HDHD5: variants seen among roughly 807,000 people sequenced by gnomAD.
HDHD5 encodes haloacid dehalogenase like hydrolase domain containing 5.
HDHD5 carries 34 observed loss-of-function variants against 35.5 expected under a neutral mutation model. The ratio of observed to expected loss-of-function variants is 0.96; its 90% CI spans 0.73 to 1.28. The LOEUF (loss-of-function observed/expected upper bound fraction) is 1.28, where lower values mean the gene tolerates loss of function less well. HDHD5 is among the 50% of genes most tolerant of loss of function. HDHD5 has a pLI of 0.00. For missense variants in HDHD5, 589 were observed against 560.2 expected (o/e 1.05, Z -0.52); for synonymous variants, 248 against 240.6 (o/e 1.03, Z -0.29).
At chr22:17,157,186 T>C (rs1336605792) in intron 1 of HDHD5, among the ~76,000 whole-genome samples, 2 of 152,062 alleles carry the variant, frequency 1.3e-5, no homozygotes, top group African/African-American at 4.8e-5. Context: ...TGTTGTGTTT[T>C]AAACTAAGTG....
upstream of HDHD5, among the ~76,000 whole-genome samples, chr22:17,163,954 C>T (rs1313974612): frequency 2.6e-5 from 4 of 152,160 alleles, no homozygotes; most frequent in Admixed American, 1.3e-4. Flanking sequence ...AGGCCAGGCA[C>T]GGTGGCCTGT....
chr22:17,164,996 A>G (rs1189191771), intron 1 of HDHD5, among the ~76,000 whole-genome samples: 7 of 152,106 alleles, frequency 4.6e-5, no homozygotes, highest in Non-Finnish European at 8.8e-5. Flanking sequence ...AGGAGGGTTT[A>G]CTGCTCACTG....
Position 17,148,551 on chromosome 22 carries a change from C to G in HDHD5, c.340G>C (p.Asp114His). Residue 114 changes from aspartate (D) to histidine (H), a missense_variant, in exon 3 of 8, where the codon GAC becomes CAC. By Grantham distance (81) the Asp-to-His change is moderately conservative (BLOSUM62 -1). Transcript: ENST00000336737. ...SALLGCEVDA[D>H]QVILSHSPMK... ...GGGCTGTGAGAGAGGATAACTTGGT[C>G]TGCATCCACCTGTAGGGACAGCCAA... The G allele has an allele frequency of 6.2e-7, 1 of 1,613,614 alleles. No homozygotes were observed. Among genetic ancestry groups the G allele is most frequent in the Non-Finnish European group, 8.5e-7 (1 of 1,179,556 alleles).
intron 4 of HDHD5, among the ~76,000 whole-genome samples, chr22:17,144,234 A>C (rs2061631828): frequency 6.6e-6 from 1 of 151,632 alleles, no homozygotes; most frequent in Non-Finnish European, 1.5e-5. Context: ...CAGGGCATAA[A>C]GCCGTTCGCT....
At chr22:17,159,544 G>C, upstream of HDHD5, 1 of 452,716 alleles carries the variant, frequency 2.2e-6, no homozygotes, top group South Asian at 1.6e-5. Flanking sequence ...CTGTGCCTGC[G>C]GATCCCGGTA....
At chr22:17,144,941 C>T in intron 4 of HDHD5, 83 bp downstream of exon 4, 1 of 1,521,082 alleles carries the variant, frequency 6.6e-7, no homozygotes, top group Non-Finnish European at 9.0e-7. Context: ...TGCAGGAGGG[C>T]TTGCAAGGTC....
chr22:17,160,866 CTTCT>C (rs929943235), upstream of HDHD5, among the ~76,000 whole-genome samples: 2 of 152,068 alleles, frequency 1.3e-5, no homozygotes, highest in African/African-American at 2.4e-5. Flanking sequence ...TAATCCCTTC[CTTCT>C]ATTAAACTAC....
At chr22:17,144,756 G>A (rs1197450614) in intron 4 of HDHD5, among the ~76,000 whole-genome samples, 3 of 151,928 alleles carry the variant, frequency 2.0e-5, no homozygotes, top group South Asian at 2.1e-4. Flanking sequence ...TCACTATGTT[G>A]CCCAGGCTGG....
intron 5 of HDHD5, 43 bp downstream of exon 5, chr22:17,143,055 C>T (rs201579046): frequency 4.1e-5 from 66 of 1,601,274 alleles, no homozygotes; most frequent in East Asian, 4.1e-4. Flanking sequence ...AGAGAGGAGA[C>T]GGAGAAAAGA....
intron 1 of HDHD5, among the ~76,000 whole-genome samples, chr22:17,152,991 A>G (rs996292827): frequency 2.0e-5 from 3 of 151,532 alleles, no homozygotes; most frequent in South Asian, 2.1e-4. Flanking sequence ...AGCCAACAAG[A>G]TATCACACCT....
At chr22:17,161,070 C>G (rs2061860228), upstream of HDHD5, among the ~76,000 whole-genome samples, 1 of 151,884 alleles carries the variant, frequency 6.6e-6, no homozygotes, top group Non-Finnish European at 1.5e-5. Flanking sequence ...GCCTGGCCAA[C>G]ATGGCGAAAC....
chr22:17,150,342 T>C (rs1332628449), intron 1 of HDHD5, among the ~76,000 whole-genome samples: 2 of 152,150 alleles, frequency 1.3e-5, no homozygotes, highest in African/African-American at 4.8e-5. Flanking sequence ...CTACAGACAA[T>C]ATAAAAATGT....
chr22:17,143,454 TGAG>T (rs1036071093), intron 4 of HDHD5: 1 of 262,148 alleles, frequency 3.8e-6, no homozygotes, highest in Non-Finnish European at 7.2e-6. Flanking sequence ...GCAGCTAAGG[TGAG>T]GCCGTGGAGA....
In HDHD5 at chr22:17,159,198, C is replaced by G. The variant is rs2061839880; in HGVS notation, c.54G>C (p.Trp18Cys). ...GCCCCGCAGCCGCGCGCGCCGCCCG[C>G]CAGCAAAGCCCACGCGCCGCGCCGA... is the stretch of plus-strand genomic sequence containing the variant. ...AALGAARGLC[W>C]RAARAAAGLQ... The change falls in exon 1 of 8, where the codon TGG becomes TGC. Residue 18 changes from tryptophan to cysteine, a missense_variant. Trp to Cys is a radical substitution (Grantham distance 215). Coordinates refer to ENST00000336737, the MANE Select transcript of HDHD5 (RefSeq NM_033070.3). 2.5e-6 allele frequency: 3 copies of G among 1,215,328 alleles called. No homozygotes were observed. The highest frequency in any genetic ancestry group is 3.2e-5 in the African/African-American group (2 of 63,364). 75.3% of individuals were successfully genotyped at this position (1,215,328 alleles called of 1,614,324 possible).
intron 6 of HDHD5, 151 bp downstream of exon 6, chr22:17,140,908 A>G (rs2061592163): frequency 1.6e-6 from 1 of 627,040 alleles, no homozygotes; most frequent in Non-Finnish European, 2.6e-6. Context: ...AAGCCCTTCC[A>G]AAGGCCAGGT....
At chr22:17,140,819 G>A (rs945076530) in intron 6 of HDHD5, among the ~76,000 whole-genome samples, 1 of 152,198 alleles carries the variant, frequency 6.6e-6, no homozygotes, top group African/African-American at 2.4e-5. Flanking sequence ...GGTCACGTGT[G>A]AAACATCCTC....
At position 17,138,630 on chromosome 22, in the gene HDHD5, G is replaced by C; in HGVS notation, c.855C>G (p.Tyr285Ter). ...GCCTGATCAGGTCCTCGGCATACTG[G>C]TAAGTGAGGATGCTGGGTTTGCCCA... The part of the protein sequence containing the change: ...GLMGKPSILT[Y>*]QYAEDLIRRQ... Residue 285 changes from tyrosine (Y) to a stop codon, truncating the protein, a stop_gained, in exon 7 of 8, where the codon TAC becomes TAG. Transcript: ENST00000336737. LOFTEE classifies it high-confidence loss of function. 6.2e-7 allele frequency: 1 copy of C among 1,614,220 alleles called. No individual in the cohort carries two copies. The highest frequency in any genetic ancestry group is 8.5e-7 in the Non-Finnish European group (1 of 1,180,034).
At chr22:17,153,209 A>G (rs2123872154) in intron 1 of HDHD5, among the ~76,000 whole-genome samples, 1 of 152,316 alleles carries the variant, frequency 6.6e-6, no homozygotes, top group South Asian at 2.1e-4. Flanking sequence ...AAGTGTCAGC[A>G]TCTCCAAATG....
Position 17,137,854 on chromosome 22 carries a change from G to C in HDHD5, c.*167C>G, listed in dbSNP as rs114561062. The C allele has an allele frequency of 4.3e-3, 2,576 of 605,730 alleles. 45 individuals carry two copies. In the African/African-American group the frequency reaches 0.043, roughly 10 times the overall value. The allele number at this position is 605,730 out of a possible 1,614,324, so 37.5% of individuals were successfully genotyped here. A position where few individuals can be genotyped will look rare whatever the true frequency, so the allele number is the denominator to read the frequency against. ...CAAAATGCTACCCAGCAGGGAAAAA[G>C]AGTCACTGTCTTCTTCCAAGTGACC... On this transcript the variant is annotated 3_prime_UTR_variant, in exon 8 of 8. Transcript: ENST00000336737.
Sources: allele counts gnomAD v4.1 joint callset (sites outside exome capture counted in the v4.1 genomes callset), GRCh38; gene constraint gnomAD v4.1.1; transcripts MANE v1.5; gene names NCBI Gene and HGNC (gene_info 2026-07-23, HGNC 2026-07-21).